Variants in UCHL5 observed in about 807,000 individuals in gnomAD.
UCHL5 encodes ubiquitin carboxyl-terminal hydrolase isozyme L5.
A neutral mutation model predicts 53.8 loss-of-function variants in UCHL5; 34 were observed. The observed-to-expected ratio is 0.63, with a 90% CI of 0.48 to 0.84. UCHL5 has a LOEUF of 0.84. Ranked by LOEUF, UCHL5 falls within the 40% of genes least tolerant of loss-of-function variation. The pLI, the probability that UCHL5 is intolerant of heterozygous loss-of-function variation, is 0.00. For missense variants in UCHL5, 290 were observed against 385.6 expected (o/e 0.75, Z 2.08); for synonymous variants, 111 against 126.3 (o/e 0.88, Z 0.81).
At chr1:193,045,264 C>A (rs921432454) in intron 3 of UCHL5, among the ~76,000 whole-genome samples, 2 of 152,118 alleles carry the variant, frequency 1.3e-5, no homozygotes, top group African/African-American at 2.4e-5. Flanking sequence ...GTGGAAGAAA[C>A]ACAATTAATT....
intron 3 of UCHL5, among the ~76,000 whole-genome samples, chr1:193,032,569 C>A (rs1661839322): frequency 6.6e-6 from 1 of 152,160 alleles, no homozygotes; most frequent in South Asian, 2.1e-4. Context: ...GCAAAAGAAA[C>A]TATCATCAGA....
intron 3 of UCHL5, among the ~76,000 whole-genome samples, chr1:193,036,968 T>C (rs927382267): frequency 6.6e-6 from 1 of 151,338 alleles, no homozygotes; most frequent in African/African-American, 2.4e-5. Flanking sequence ...AAAATGGAAA[T>C]ACAGCATACC....
chr1:193,035,963 T>G (rs1024253336), intron 3 of UCHL5, among the ~76,000 whole-genome samples: 1 of 151,966 alleles, frequency 6.6e-6, no homozygotes, highest in Non-Finnish European at 1.5e-5. Context: ...GTAAGCTTCA[T>G]GGTAACCGCA....
chr1:193,059,310 CCG>C lies in UCHL5; in HGVS notation c.-52_-51del, dbSNP rs1558212134. On this transcript the variant is annotated 5_prime_UTR_variant, in exon 1 of 11. Coordinates refer to ENST00000367454, the MANE Select transcript of UCHL5 (RefSeq NM_001199261.3). The surrounding 1 kb of genome is among the most constrained non-coding windows in gnomAD (Gnocchi z 4.9). ...TCCACCTCTCGCTCTCAGCTGCCCCCCGCACCAGCTGCCGCCGGCCACAGATC... is the reference window on the plus strand; with the variant it reads ...TCCACCTCTCGCTCTCAGCTGCCCCCCACCAGCTGCCGCCGGCCACAGATC... 7 of 1,609,606 alleles carry C rather than the reference CCG, an allele frequency of 4.3e-6. No homozygotes were observed. Among genetic ancestry groups the C allele is most frequent in the Non-Finnish European group, 5.9e-6 (7 of 1,178,156 alleles).
At chr1:193,021,801 A>G (rs1437185793) in intron 9 of UCHL5, among the ~76,000 whole-genome samples, 1 of 152,180 alleles carries the variant, frequency 6.6e-6, no homozygotes, top group Non-Finnish European at 1.5e-5. Flanking sequence ...TATAAATTTG[A>G]GCTTCTCTGA....
rs960496083 is a variant in UCHL5 at position 193,036,317 on chromosome 1, CAAAA to C, written c.247-6664_247-6661del. Among the ~76,000 whole-genome samples, 21 of 50,808 alleles carry C rather than the reference CAAAA, an allele frequency of 4.1e-4. No homozygotes were observed. In the South Asian group the frequency reaches 0.018, roughly 44 times the overall value. 33.3% of individuals were successfully genotyped at this position (50,808 alleles called of 152,430 possible). A position where few individuals can be genotyped will look rare whatever the true frequency, so the allele number is the denominator to read the frequency against. ...GAAGATATTCTGTGCAACTGGAAACCAAAAAAAAAAAAAAAAAAAAAAAAAGAAC... is the reference window on the plus strand; with the variant it reads ...GAAGATATTCTGTGCAACTGGAAACCAAAAAAAAAAAAAAAAAAAAAGAAC... On this transcript the variant is annotated intron_variant, in intron 3 of 10. Transcript: ENST00000367454.
intron 1 of UCHL5, among the ~76,000 whole-genome samples, chr1:193,055,805 G>T (rs1670448966): frequency 6.6e-6 from 1 of 152,262 alleles, no homozygotes; most frequent in South Asian, 2.1e-4. Context: ...TTTAAAATTT[G>T]TACATTTAAG....
chr1:193,050,333 C>T (rs1668609717), intron 2 of UCHL5, among the ~76,000 whole-genome samples: 1 of 152,122 alleles, frequency 6.6e-6, no homozygotes, highest in African/African-American at 2.4e-5. Flanking sequence ...ATGAAATCAT[C>T]CACTTTCCTA....
chr1:193,018,539 A>T (rs1272434940), intron 10 of UCHL5: 10 of 1,148,190 alleles, frequency 8.7e-6, no homozygotes, highest in Non-Finnish European at 1.1e-5. Flanking sequence ...CAACGAATTC[A>T]TCGGTTAAAA....
At chr1:193,026,170 A>G (rs775735367) in intron 7 of UCHL5, among the ~76,000 whole-genome samples, 9 of 152,146 alleles carry the variant, frequency 5.9e-5, no homozygotes, top group Non-Finnish European at 1.3e-4. Flanking sequence ...ATAGACTTAC[A>G]TGTAAAACAT....
At chr1:193,059,686 C>A (rs763637741), upstream of UCHL5, 4 of 1,361,680 alleles carry the variant, frequency 2.9e-6, 1 homozygote, top group South Asian at 4.6e-5. The surrounding 1 kb of genome is among the most constrained non-coding windows in gnomAD (Gnocchi z 4.9). Context: ...TGTCGCTGCC[C>A]GTCAGGCTGC....
chr1:193,054,040 G>A (rs2102897714), intron 1 of UCHL5, among the ~76,000 whole-genome samples: 1 of 143,930 alleles, frequency 6.9e-6, no homozygotes, highest in South Asian at 2.2e-4. Flanking sequence ...AAAAAAAACT[G>A]TCATGGATAA....
At chr1:193,060,062 G>A, upstream of UCHL5, 1 of 1,320,248 alleles carries the variant, frequency 7.6e-7, no homozygotes, top group Non-Finnish European at 1.0e-6. Context: ...CTCCCCACAG[G>A]CCGACGTCGA....
In UCHL5 at chr1:193,024,696, G is replaced by T. The variant is rs188685376; in HGVS notation, c.630-750C>A. On this transcript the variant is annotated intron_variant, in intron 7 of 10. Transcript: ENST00000367454. ...ATATCAATGAAGCATCTCATAACAA[G>T]CTGGTTCATGGTAGCAACTGACATT... Among the ~76,000 whole-genome samples the T allele has an allele frequency of 2.0e-3, 299 of 151,340 alleles. 1 individual carries two copies. The highest frequency in any genetic ancestry group is 6.8e-3 in the African/African-American group (283 of 41,354).
At position 193,013,018 on chromosome 1, in the gene UCHL5, A is replaced by C. The variant is rs1270128036; in HGVS notation, c.*3333T>G. On this transcript the variant is annotated 3_prime_UTR_variant, in exon 11 of 11. Coordinates refer to ENST00000367454, the MANE Select transcript of UCHL5 (RefSeq NM_001199261.3). ...GCATGTTTGACTGATCTAGGAATTCATACTACTCTAAAAAACGCAGTATCA... is the reference window on the plus strand; with the variant it reads ...GCATGTTTGACTGATCTAGGAATTCCTACTACTCTAAAAAACGCAGTATCA... 6.6e-6 allele frequency: 1 copy of C among 152,218 alleles called. No individual in the cohort carries two copies. The highest frequency in any genetic ancestry group is 1.5e-5 in the Non-Finnish European group (1 of 68,040). The allele number at this position is 152,218 out of a possible 1,614,324, so 9.4% of individuals were successfully genotyped here.
chr1:193,034,735 G>A (rs1662746062), intron 3 of UCHL5, among the ~76,000 whole-genome samples: 1 of 151,910 alleles, frequency 6.6e-6, no homozygotes, highest in African/African-American at 2.4e-5. Context: ...CATAAAAAGA[G>A]AATACACCCT....
At chr1:193,020,232 T>C (rs1656448770) in intron 10 of UCHL5, 2 of 1,457,160 alleles carry the variant, frequency 1.4e-6, no homozygotes, top group East Asian at 2.5e-5. Context: ...ATTTAGAATG[T>C]ATAACATGAA....
intron 7 of UCHL5, among the ~76,000 whole-genome samples, chr1:193,027,691 T>A (rs1387292257): frequency 6.6e-6 from 1 of 151,016 alleles, no homozygotes; most frequent in African/African-American, 2.4e-5. Flanking sequence ...TCTCAAAAAA[T>A]AAAAAAAAGA....
rs376686157 is a variant in UCHL5, at chr1:193,052,067, C to T, written c.77-250G>A. Among the ~76,000 whole-genome samples, 19 of 152,218 alleles carry T rather than the reference C, an allele frequency of 1.2e-4. No homozygotes were observed. The South Asian group carries it at 3.7e-3, about 30-fold the overall frequency. ...ACCACTCTATGACTGTTCCTTCTCTCTCTCTCAATCTCTGGCACCTCTATC... is the reference window on the plus strand; with the variant it reads ...ACCACTCTATGACTGTTCCTTCTCTTTCTCTCAATCTCTGGCACCTCTATC... On this transcript the variant is annotated intron_variant, in intron 1 of 10. Coordinates refer to ENST00000367454, the MANE Select transcript of UCHL5 (RefSeq NM_001199261.3).
Sources: allele counts gnomAD v4.1 joint callset (sites outside exome capture counted in the v4.1 genomes callset), GRCh38; gene constraint gnomAD v4.1.1; non-coding constraint Gnocchi (gnomAD v3.1); transcripts MANE v1.5; gene names NCBI Gene and HGNC (gene_info 2026-07-23, HGNC 2026-07-21).